ESRRG: variants seen among roughly 807,000 people sequenced by gnomAD.
ESRRG encodes estrogen related receptor gamma.
Under a neutral mutation model 44.0 loss-of-function variants are expected in ESRRG, and 13 were observed. That is an observed-to-expected ratio of 0.30 (90% CI 0.19 to 0.47). The LOEUF (loss-of-function observed/expected upper bound fraction) is 0.47, where lower values mean the gene tolerates loss of function less well. ESRRG is among the 20% of genes least tolerant of loss of function. The pLI is 1.00. For synonymous variants in ESRRG, 215 were observed against 214.6 expected, an observed-to-expected ratio of 1.00 and a Z score of -0.02; for missense variants, 395 against 580.6, an observed-to-expected ratio of 0.68 and a Z score of 3.29.
At chr1:216,585,822 C>T (rs1300858117) in intron 3 of ESRRG, among the ~76,000 whole-genome samples, 6 of 151,988 alleles carry the variant, frequency 3.9e-5, no homozygotes, top group African/African-American at 1.4e-4. Context: ...GGGCGGATCA[C>T]GAGGTCAGGA....
At chr1:216,590,489 A>G (rs1392163859) in intron 3 of ESRRG, among the ~76,000 whole-genome samples, 1 of 152,222 alleles carries the variant, frequency 6.6e-6, no homozygotes, top group African/African-American at 2.4e-5. Context: ...ATTTTTAAAA[A>G]GTCCAAACTG....
intron 2 of ESRRG, among the ~76,000 whole-genome samples, chr1:216,871,048 TC>T (rs1280263263): frequency 6.6e-6 from 1 of 152,012 alleles, no homozygotes; most frequent in Non-Finnish European, 1.5e-5. Flanking sequence ...ATTTAGCTCT[TC>T]TTTTTCTATT....
intron 1 of ESRRG, among the ~76,000 whole-genome samples, chr1:217,122,664 C>CTTTTTTTTTTTTT (rs10716545): frequency 2.3e-5 from 2 of 87,340 alleles, no homozygotes; most frequent in African/African-American, 9.6e-5. Context: ...GACACACACA[C>CTTTTTTTTTTTTT]TTTTTTTTTT....
At chr1:216,567,447 T>A (rs2059883291) in intron 4 of ESRRG, among the ~76,000 whole-genome samples, 1 of 152,182 alleles carries the variant, frequency 6.6e-6, no homozygotes, top group East Asian at 1.9e-4. Flanking sequence ...CAGCCACCTA[T>A]GCTTGTTATT....
At chr1:216,980,740 T>A (rs2073820540) in intron 1 of ESRRG, among the ~76,000 whole-genome samples, 1 of 152,158 alleles carries the variant, frequency 6.6e-6, no homozygotes, top group African/African-American at 2.4e-5. Context: ...TCCAGATAAA[T>A]GCATATCCCA....
chr1:217,069,711 C>T (rs1244891619), intron 1 of ESRRG, among the ~76,000 whole-genome samples: 3 of 152,138 alleles, frequency 2.0e-5, no homozygotes, highest in Non-Finnish European at 4.4e-5. Context: ...GAAGGGAATT[C>T]CGTCTGCTCT....
At chr1:216,941,230 A>G (rs991216980) in intron 1 of ESRRG, among the ~76,000 whole-genome samples, 2 of 152,184 alleles carry the variant, frequency 1.3e-5, no homozygotes, top group Non-Finnish European at 2.9e-5. Flanking sequence ...CTAGAGGGTC[A>G]GAAGCCCAAG....
intron 2 of ESRRG, among the ~76,000 whole-genome samples, chr1:216,931,561 C>T (rs1420036148): frequency 6.6e-6 from 1 of 152,024 alleles, no homozygotes; most frequent in South Asian, 2.1e-4. Flanking sequence ...ATGTTGCTCT[C>T]AGGAGGACCA....
rs114351504 is a variant in ESRRG, at chr1:216,948,032, T to C, written c.-105-8359A>G. Among the ~76,000 whole-genome samples, 802 of 147,662 alleles carry C rather than the reference T, an allele frequency of 5.4e-3. 8 individuals carry two copies. Among genetic ancestry groups the C allele is most frequent in the African/African-American group, 0.021 (790 of 37,290 alleles). On this transcript the variant is annotated intron_variant, in intron 1 of 7. Coordinates refer to the ESRRG transcript ENST00000359162. ...AGATAGAAGGAGCTTGGCCTTGAAATCATCACTTGAAAGAGACTCACCCCA... is the reference window on the plus strand; with the variant it reads ...AGATAGAAGGAGCTTGGCCTTGAAACCATCACTTGAAAGAGACTCACCCCA...
intron 3 of ESRRG, among the ~76,000 whole-genome samples, chr1:216,616,338 G>T (rs577201760): frequency 6.6e-6 from 1 of 152,286 alleles, no homozygotes; most frequent in East Asian, 1.9e-4. Flanking sequence ...GGGAATGGGC[G>T]CAGTGACATA....
intron 1 of ESRRG, among the ~76,000 whole-genome samples, chr1:216,997,977 T>A (rs1448665630): frequency 6.6e-6 from 1 of 152,226 alleles, no homozygotes; most frequent in East Asian, 1.9e-4. Context: ...TCAGGAATTT[T>A]TTTTCTTCCC....
At chr1:216,610,540 T>C (rs2060507184) in intron 3 of ESRRG, among the ~76,000 whole-genome samples, 1 of 152,086 alleles carries the variant, frequency 6.6e-6, no homozygotes, top group Non-Finnish European at 1.5e-5. Context: ...GAGAAACAAG[T>C]TGCCTAAAGC....
At chr1:216,547,054 C>A (rs2054734538) in intron 5 of ESRRG, among the ~76,000 whole-genome samples, 1 of 151,930 alleles carries the variant, frequency 6.6e-6, no homozygotes, top group Non-Finnish European at 1.5e-5. Flanking sequence ...TGAGAACATG[C>A]TCATCTCTGC....
intron 2 of ESRRG, among the ~76,000 whole-genome samples, chr1:216,920,571 T>C (rs574856984): frequency 1.6e-3 from 242 of 152,310 alleles, no homozygotes; most frequent in African/African-American, 3.1e-3. Context: ...GAATAGATTG[T>C]TACTGATGTA....
intron 1 of ESRRG, among the ~76,000 whole-genome samples, chr1:216,947,269 G>A (rs2150033372): frequency 6.6e-6 from 1 of 152,196 alleles, no homozygotes; most frequent in East Asian, 1.9e-4. Flanking sequence ...GCCTGAGCAT[G>A]ACCCAGGATT....
At chr1:216,933,448 A>T (rs74562277) in intron 2 of ESRRG, among the ~76,000 whole-genome samples, 18,139 of 151,748 alleles carry the variant, frequency 0.12, 1,115 homozygotes, top group East Asian at 0.19. Flanking sequence ...AAAAAAAAAA[A>T]TTCGTTTGAA....
At chr1:217,055,877 C>T (rs1580177664) in intron 1 of ESRRG, among the ~76,000 whole-genome samples, 1 of 152,302 alleles carries the variant, frequency 6.6e-6, no homozygotes, top group East Asian at 1.9e-4. Flanking sequence ...AATGCCCTCT[C>T]TTTTCTAGTA....
intron 1 of ESRRG, among the ~76,000 whole-genome samples, chr1:217,131,899 T>A (rs533313880): frequency 1.3e-5 from 2 of 152,314 alleles, no homozygotes; most frequent in South Asian, 4.1e-4. Flanking sequence ...GCTCTTTGCC[T>A]TGAAATGTGT....
chr1:216,546,484 A>G (rs2054556209), intron 5 of ESRRG, among the ~76,000 whole-genome samples: 2 of 152,194 alleles, frequency 1.3e-5, no homozygotes, highest in South Asian at 2.1e-4. Context: ...AACTGCAGGA[A>G]GCCATGCTCG....
Sources: allele counts gnomAD v4.1 joint callset (sites outside exome capture counted in the v4.1 genomes callset), GRCh38; gene constraint gnomAD v4.1.1; transcripts MANE v1.5; gene names NCBI Gene and HGNC (gene_info 2026-07-23, HGNC 2026-07-21).